Variants in TIMP3 observed in about 807,000 individuals in gnomAD.
TIMP3 encodes the protein TIMP metallopeptidase inhibitor 3.
TIMP3 carries 11 observed loss-of-function variants against 30.0 expected under a neutral mutation model. That is an observed-to-expected ratio of 0.37 (90% CI 0.23 to 0.61). The LOEUF (loss-of-function observed/expected upper bound fraction) is 0.61, where lower values mean the gene tolerates loss of function less well. Ranked by LOEUF, TIMP3 falls within the 20% of genes least tolerant of loss-of-function variation. TIMP3 has a pLI of 0.70. For synonymous variants in TIMP3, 112 were observed against 111.3 expected, an observed-to-expected ratio of 1.01 and a Z score of -0.04; for missense variants, 181 against 276.8, an observed-to-expected ratio of 0.65 and a Z score of 2.45.
chr22:32,833,772 G>T, intron 1 of TIMP3: 1 of 498,040 alleles, frequency 2.0e-6, no homozygotes, highest in South Asian at 1.4e-5. Context: ...CTAAAAGATG[G>T]GCTAATGACA....
intron 1 of TIMP3, among the ~76,000 whole-genome samples, chr22:32,845,087 C>G (rs1332776460): frequency 1.3e-5 from 2 of 152,102 alleles, no homozygotes; most frequent in Non-Finnish European, 2.9e-5. Context: ...TTCCTAAGAG[C>G]AAAAGAAATT....
At chr22:32,814,174 A>AAG (rs2047000510) in intron 1 of TIMP3, among the ~76,000 whole-genome samples, 1 of 51,420 alleles carries the variant, frequency 1.9e-5, no homozygotes, top group Non-Finnish European at 3.7e-5. Context: ...GAGAAAGAGA[A>AAG]AGAAAGAAAA....
intron 1 of TIMP3, among the ~76,000 whole-genome samples, chr22:32,823,128 T>C (rs1481149258): frequency 6.6e-6 from 1 of 152,118 alleles, no homozygotes; most frequent in Admixed American, 6.5e-5. Context: ...AGAACAATGG[T>C]GGGAAAGCAA....
intron 1 of TIMP3, among the ~76,000 whole-genome samples, chr22:32,838,703 A>G (rs1401187872): frequency 2.0e-5 from 3 of 151,906 alleles, no homozygotes; most frequent in Non-Finnish European, 4.4e-5. Flanking sequence ...GAGTAACTCT[A>G]TGGAACAAGG....
At chr22:32,848,110 G>A (rs1043826183) in intron 1 of TIMP3, among the ~76,000 whole-genome samples, 2 of 152,194 alleles carry the variant, frequency 1.3e-5, no homozygotes, top group African/African-American at 4.8e-5. Flanking sequence ...CAGCTCTTGG[G>A]TGCTTCTTTT....
At chr22:32,856,154 TCA>T (rs1228657967) in intron 2 of TIMP3, among the ~76,000 whole-genome samples, 1 of 152,186 alleles carries the variant, frequency 6.6e-6, no homozygotes, top group Admixed American at 6.5e-5. Context: ...CTGGAAAGTG[TCA>T]CAGAGATATC....
At chr22:32,835,695 C>T (rs903898382) in intron 1 of TIMP3, among the ~76,000 whole-genome samples, 6 of 152,246 alleles carry the variant, frequency 3.9e-5, no homozygotes, top group Admixed American at 1.3e-4. Context: ...ACTCTTTGGT[C>T]CAAAGGGCTG....
chr22:32,845,406 G>T (rs574342413), intron 1 of TIMP3, among the ~76,000 whole-genome samples: 2 of 152,008 alleles, frequency 1.3e-5, no homozygotes, highest in African/African-American at 4.8e-5. Flanking sequence ...TGGCCAGGAT[G>T]GTCTCAATCT....
intron 2 of TIMP3, among the ~76,000 whole-genome samples, chr22:32,856,319 G>C (rs1005181561): frequency 5.9e-5 from 9 of 152,122 alleles, no homozygotes; most frequent in Non-Finnish European, 1.2e-4. Context: ...TGGAATGGGG[G>C]GTATGGCTGG....
At position 32,859,192 on chromosome 22, in the gene TIMP3, T is replaced by C; in HGVS notation, c.451T>C (p.Tyr151His). 6.2e-7 allele frequency: 1 copy of C among 1,614,210 alleles called. No individual in the cohort carries two copies. Among genetic ancestry groups the C allele is most frequent in the East Asian group, 2.2e-5 (1 of 44,874 alleles). Residue 151 changes from tyrosine (Y) to histidine (H), a missense_variant, in exon 5 of 5, where the codon TAC becomes CAC. Physicochemically the swap from Tyr to His is moderately conservative, Grantham distance 83. This residue lies in a region of TIMP3 where 63 missense variants were observed against 133.3 expected (regional missense o/e 0.47). Coordinates refer to ENST00000266085, the MANE Select transcript of TIMP3 (RefSeq NM_000362.5). ...LGCNCKIKSC[Y>H]YLPCFVTSKN... ...TATCTAATTGCAGATCAAGTCCTGC[T>C]ACTACCTGCCTTGCTTTGTGACTTC...
intron 1 of TIMP3, among the ~76,000 whole-genome samples, chr22:32,823,375 G>A (rs567256165): frequency 6.6e-6 from 1 of 152,142 alleles, no homozygotes; most frequent in Non-Finnish European, 1.5e-5. Context: ...AGCTGTGAGT[G>A]GGGTGGATGT....
In TIMP3 at chr22:32,858,394, G is replaced by T. The variant is rs77477856; in HGVS notation, c.438+256G>T. 7.9e-3 allele frequency among the ~76,000 whole-genome samples: 1,204 copies of T among 152,286 alleles called. 20 individuals carry two copies. The highest frequency in any genetic ancestry group is 0.028 in the African/African-American group (1,154 of 41,554). ...TGATGACCACTTGGAAGCTGCTGGG[G>T]CATGAGGGCTCTTGAGTCCCTGGCC... On this transcript the variant is annotated intron_variant, in intron 4 of 4. Coordinates refer to ENST00000266085, the MANE Select transcript of TIMP3 (RefSeq NM_000362.5).
chr22:32,842,640 A>G (rs1264974397), intron 1 of TIMP3, among the ~76,000 whole-genome samples: 1 of 152,154 alleles, frequency 6.6e-6, no homozygotes, highest in Admixed American at 6.5e-5. Context: ...GTACATATAC[A>G]TTGTCTCATT....
chr22:32,845,966 T>C (rs1321962773), intron 1 of TIMP3, among the ~76,000 whole-genome samples: 1 of 152,230 alleles, frequency 6.6e-6, no homozygotes, highest in Non-Finnish European at 1.5e-5. Context: ...ACGGACAGAT[T>C]AATGCACAAA....
chr22:32,847,256 G>A (rs1306268162), intron 1 of TIMP3, among the ~76,000 whole-genome samples: 2 of 152,258 alleles, frequency 1.3e-5, no homozygotes, highest in South Asian at 2.1e-4. Flanking sequence ...AACAGTCCCC[G>A]GGGCCTCCGG....
chr22:32,850,939 G>A (rs1416645543), intron 2 of TIMP3, among the ~76,000 whole-genome samples: 2 of 152,124 alleles, frequency 1.3e-5, no homozygotes, highest in Non-Finnish European at 2.9e-5. Context: ...TCCTGAGGCT[G>A]GATGTACTAA....
rs2048496454 is a variant in TIMP3 at position 32,860,165 on chromosome 22, C to G, written c.*788C>G. ...AATTTGCCTGCCTTGTACAAAAGCT[C>G]AGGTGAAAGACTGAGATGAATGTCT... On this transcript the variant is annotated 3_prime_UTR_variant, in exon 5 of 5. Coordinates refer to ENST00000266085, the MANE Select transcript of TIMP3 (RefSeq NM_000362.5). 6.6e-6 allele frequency: 1 copy of G among 152,208 alleles called. No individual in the cohort carries two copies. Among genetic ancestry groups the G allele is most frequent in the African/African-American group, 2.4e-5 (1 of 41,444 alleles). The allele number at this position is 152,208 out of a possible 1,614,324, so 9.4% of individuals were successfully genotyped here. A position where few individuals can be genotyped will look rare whatever the true frequency, so the allele number is the denominator to read the frequency against.
intron 1 of TIMP3, among the ~76,000 whole-genome samples, chr22:32,838,189 C>T (rs1319925226): frequency 6.6e-6 from 1 of 152,124 alleles, no homozygotes; most frequent in Non-Finnish European, 1.5e-5. Context: ...ATGCATAGTT[C>T]CTCAAATACT....
At chr22:32,817,627 A>G (rs529563010) in intron 1 of TIMP3, among the ~76,000 whole-genome samples, 1 of 152,220 alleles carries the variant, frequency 6.6e-6, no homozygotes, top group Non-Finnish European at 1.5e-5. Flanking sequence ...GCTGACCTTC[A>G]AGGTCACACA....
Sources: gnomAD v4.1 joint callset for allele counts (sites outside exome capture counted in the v4.1 genomes callset) on GRCh38, gnomAD v4.1.1 for gene constraint, gnomAD v4.1.1 regional missense constraint, MANE v1.5 for transcripts, NCBI Gene and HGNC (gene_info 2026-07-23, HGNC 2026-07-21) for gene names.